Variants in STAR observed in about 807,000 individuals in gnomAD.
STAR encodes the protein steroidogenic acute regulatory protein, also known as steroidogenic acute regulatory protein, mitochondrial.
In STAR, 32 loss-of-function variants were observed where a neutral mutation model predicts 32.3. That is an observed-to-expected ratio of 0.99 (90% CI 0.75 to 1.33). STAR has a LOEUF of 1.33. Among genes scored for constraint, STAR ranks in the 40% most tolerant of loss-of-function variants. STAR has a pLI of 0.00. For synonymous variants in STAR, 134 were observed against 140.5 expected (o/e 0.95, Z 0.33); for missense variants, 375 against 379.0 (o/e 0.99, Z 0.09).
rs1310453017 is a variant in STAR, at chr8:38,146,792, T to TAC, written c.307-346_307-345insGT. On this transcript the variant is annotated intron_variant, in intron 3 of 6. Coordinates refer to ENST00000276449, the MANE Select transcript of STAR (RefSeq NM_000349.3). Reference sequence around the variant, plus strand: ...CAAAAAAAAAAATTTTATATATATATATATATTCTTAGTCTAGGTCCCATA... The same window carrying TAC: ...CAAAAAAAAAAATTTTATATATATATACATATATTCTTAGTCTAGGTCCCATA... Among the ~76,000 whole-genome samples, 14 of 149,090 alleles carry TAC rather than the reference T, an allele frequency of 9.4e-5. 1 individual carries two copies. In the South Asian group the frequency reaches 3.0e-3, roughly 32 times the overall value.
Position 38,148,331 on chromosome 8 carries a change from G to A in STAR, c.179-4C>T. ...AGAGTCTCTTCCAGCCGAGAACCTG[G>A]ATACACAGCCGAGGAGAGACAGAGC... On this transcript the variant is annotated splice_polypyrimidine_tract_variant and splice_region_variant and intron_variant, in intron 2 of 6. Transcript: ENST00000276449. 6.2e-7 allele frequency: 1 copy of A among 1,614,048 alleles called. No homozygotes were observed. The highest frequency in any genetic ancestry group is 8.5e-7 in the Non-Finnish European group (1 of 1,180,002).
At chr8:38,149,064 G>T in intron 1 of STAR, 1 of 400,748 alleles carries the variant, frequency 2.5e-6, no homozygotes, top group Non-Finnish European at 4.7e-6. Flanking sequence ...CAAGCAACCA[G>T]AAAAATCCTA....
At chr8:38,144,925 C>G in intron 6 of STAR, 1 of 1,029,176 alleles carries the variant, frequency 9.7e-7, no homozygotes, top group Non-Finnish European at 1.3e-6. Flanking sequence ...GGAAGAATCA[C>G]TTGAATCCGG....
rs747973021 is a variant in STAR at position 38,148,191 on chromosome 8, G to A, written c.306+9C>T. Reference sequence around the variant, plus strand: ...ATGGAGGAACCACAGGCTTCTCCCCGACACTTACCTGCTGACTCTCCTTCT... The same window carrying A: ...ATGGAGGAACCACAGGCTTCTCCCCAACACTTACCTGCTGACTCTCCTTCT... On this transcript the variant is annotated intron_variant, in intron 3 of 6. Coordinates refer to ENST00000276449, the MANE Select transcript of STAR (RefSeq NM_000349.3). The A allele has an allele frequency of 3.1e-5, 50 of 1,613,728 alleles. No individual in the cohort carries two copies. The highest frequency in any genetic ancestry group is 4.0e-5 in the African/African-American group (3 of 74,890).
chr8:38,145,665 C>G, intron 5 of STAR: 1 of 559,246 alleles, frequency 1.8e-6, no homozygotes, highest in Non-Finnish European at 3.2e-6. Flanking sequence ...ATATTTTAGT[C>G]TACATTACAG....
intron 6 of STAR, 44 bp from the exon 7 acceptor site, chr8:38,144,430 G>A (rs1183472550): frequency 1.9e-6 from 3 of 1,553,330 alleles, no homozygotes; most frequent in Non-Finnish European, 2.6e-6. Context: ...GTGGGTTTTG[G>A]CCCACTCTTG....
chr8:38,145,248 T>C lies in STAR; in HGVS notation c.718A>G (p.Thr240Ala), dbSNP rs1802547129. 3 of 1,614,046 alleles carry C rather than the reference T, an allele frequency of 1.9e-6. No homozygotes were observed. The highest frequency in any genetic ancestry group is 3.3e-5 in the Admixed American group (2 of 59,998). Residue 240 changes from threonine (T) to alanine (A), a missense_variant, in exon 6 of 7, where the codon ACG becomes GCG. Coordinates refer to ENST00000276449, the MANE Select transcript of STAR (RefSeq NM_000349.3). ...TTGAGGTCGATGCTGAGTAGCCACG[T>C]AAGTTTGGTCTTAGAGGGACTTCCA... Reference protein sequence around the residue: ...LAGSPSKTKLTWLLSIDLKGW... With the variant: ...LAGSPSKTKLAWLLSIDLKGW...
rs377756089 is a variant in STAR at position 38,145,950 on chromosome 8, C to A, written c.650+13G>T. Reference sequence around the variant, plus strand: ...TTAGAAGAGGGGGGTTTGGAGCCTGCTGCCCGTATTACCTGATGACACCCT... The same window carrying A: ...TTAGAAGAGGGGGGTTTGGAGCCTGATGCCCGTATTACCTGATGACACCCT... On this transcript the variant is annotated intron_variant, in intron 5 of 6. Transcript: ENST00000276449. The A allele has an allele frequency of 2.1e-4, 336 of 1,613,092 alleles. 3 individuals are homozygous for A. In the African/African-American group the frequency reaches 4.1e-3, roughly 19 times the overall value.
chr8:38,146,527 C>G, intron 3 of STAR, 80 bp from the exon 4 acceptor site: 1 of 1,532,616 alleles, frequency 6.5e-7, no homozygotes, highest in Non-Finnish European at 8.8e-7. Context: ...CCTATAATCC[C>G]AGCACTTTGG....
chr8:38,142,775 C>T lies in STAR; in HGVS notation c.*1498G>A, dbSNP rs1802489936. Among the ~76,000 whole-genome samples the T allele has an allele frequency of 6.6e-6, 1 of 152,022 alleles. No homozygotes were observed. The highest frequency in any genetic ancestry group is 2.1e-4 in the South Asian group (1 of 4,830). On this transcript the variant is annotated 3_prime_UTR_variant, in exon 7 of 7. Transcript: ENST00000276449. ...GCCCTCAGGTGATTGCCTGCCTTGG[C>T]CTCCCAAAGTGCTGAGATTACAGGC...
chr8:38,148,522 G>A lies in STAR; in HGVS notation c.178+119C>T, dbSNP rs1451375256. On this transcript the variant is annotated intron_variant, in intron 2 of 6. Coordinates refer to ENST00000276449, the MANE Select transcript of STAR (RefSeq NM_000349.3). ...ATCTGGCCTTGAGGAACTCTAGGCT[G>A]GGGACGTCCTCTCAAAATGAAGGAA... 36 of 1,327,890 alleles carry A rather than the reference G, an allele frequency of 2.7e-5. No homozygotes were observed. In the East Asian group the frequency reaches 6.2e-4, roughly 23 times the overall value. 82.3% of individuals were successfully genotyped at this position (1,327,890 alleles called of 1,614,324 possible).
chr8:38,145,456 G>C lies in STAR; in HGVS notation c.651-141C>G, dbSNP rs1802553091. 3 of 1,195,490 alleles carry C rather than the reference G, an allele frequency of 2.5e-6. No individual in the cohort carries two copies. In the South Asian group the frequency reaches 3.9e-5, roughly 15 times the overall value. The allele number at this position is 1,195,490 out of a possible 1,614,324, so 74.1% of individuals were successfully genotyped here. ...CATCAGGGAAGTGCCCTTTGCAAAG[G>C]GTAATTATTTGGCAGTTGGCACAGT... On this transcript the variant is annotated intron_variant, in intron 5 of 6. Coordinates refer to ENST00000276449, the MANE Select transcript of STAR (RefSeq NM_000349.3).
chr8:38,143,346 G>A lies in STAR; in HGVS notation c.*927C>T, dbSNP rs1445583924. ...TTTTGAGATGGAGTCTCACTCTGTC[G>A]CCCACGCTGGAGCGCAGTGGCACAA... On this transcript the variant is annotated 3_prime_UTR_variant, in exon 7 of 7. Coordinates refer to ENST00000276449, the MANE Select transcript of STAR (RefSeq NM_000349.3). Among the ~76,000 whole-genome samples the A allele has an allele frequency of 7.2e-5, 10 of 138,860 alleles. No homozygotes were observed. The highest frequency in any genetic ancestry group is 1.6e-4 in the African/African-American group (6 of 36,942). The allele number at this position is 138,860 out of a possible 152,430, so 91.1% of individuals were successfully genotyped here.
chr8:38,146,180 C>T, intron 4 of STAR, 33 bp from the exon 5 acceptor site: 1 of 1,613,790 alleles, frequency 6.2e-7, no homozygotes, highest in Non-Finnish European at 8.5e-7. Flanking sequence ...AATCACGACT[C>T]AGCCTGTGTT....
rs1397231231 is a variant in STAR, at chr8:38,146,767, C to CA, written c.307-321dup. Among the ~76,000 whole-genome samples, 209 of 85,678 alleles carry CA rather than the reference C, an allele frequency of 2.4e-3. 1 individual carries two copies. The highest frequency in any genetic ancestry group is 3.9e-3 in the Non-Finnish European group (159 of 40,470). The allele number at this position is 85,678 out of a possible 152,430, so 56.2% of individuals were successfully genotyped here. A position where few individuals can be genotyped will look rare whatever the true frequency, so the allele number is the denominator to read the frequency against. On this transcript the variant is annotated intron_variant, in intron 3 of 6. Transcript: ENST00000276449. ...TCCAGCCTGGGCGACAGAGTTGTCT[C>CA]AAAAAAAAAAATTTTATATATATAT...
At chr8:38,145,822 A>T in intron 5 of STAR, 141 bp downstream of exon 5, 1 of 1,041,572 alleles carries the variant, frequency 9.6e-7, no homozygotes, top group Non-Finnish European at 1.4e-6. Context: ...TTTGGTAAAT[A>T]AGTATCTTCT....
intron 1 of STAR, among the ~76,000 whole-genome samples, chr8:38,149,283 G>A (rs867237001): frequency 6.6e-6 from 1 of 152,176 alleles, no homozygotes; most frequent in Non-Finnish European, 1.5e-5. Flanking sequence ...TAGTGAGGAC[G>A]ACAACACCAC....
At chr8:38,150,322 C>G (rs1802644916) in intron 1 of STAR, among the ~76,000 whole-genome samples, 1 of 151,608 alleles carries the variant, frequency 6.6e-6, no homozygotes, top group Non-Finnish European at 1.5e-5. Flanking sequence ...TGGCTTGAGC[C>G]CATGAGTTTG....
At position 38,144,005 on chromosome 8, in the gene STAR, GT is replaced by G. The variant is rs371623276; in HGVS notation, c.*267del. On this transcript the variant is annotated 3_prime_UTR_variant, in exon 7 of 7. Coordinates refer to ENST00000276449, the MANE Select transcript of STAR (RefSeq NM_000349.3). ...GGGTACATAAGGGCCCAGAAAAAAAGTTTTACAATTATTTTAGGGGCCTGAA... is the reference window on the plus strand; with the variant it reads ...GGGTACATAAGGGCCCAGAAAAAAAGTTTACAATTATTTTAGGGGCCTGAA... 97 of 415,940 alleles carry G rather than the reference GT, an allele frequency of 2.3e-4. No homozygotes were observed. Among genetic ancestry groups the G allele is most frequent in the African/African-American group, 1.8e-3 (90 of 49,022 alleles). The allele number at this position is 415,940 out of a possible 1,614,324, so 25.8% of individuals were successfully genotyped here. A position where few individuals can be genotyped will look rare whatever the true frequency, so the allele number is the denominator to read the frequency against.
Sources: gnomAD v4.1 joint callset for allele counts (sites outside exome capture counted in the v4.1 genomes callset) on GRCh38, gnomAD v4.1.1 for gene constraint, MANE v1.5 for transcripts, NCBI Gene and HGNC (gene_info 2026-07-23, HGNC 2026-07-21) for gene names.